Variants in NR6A1 observed in about 807,000 individuals in gnomAD.
NR6A1 encodes the protein nuclear receptor subfamily 6 group A member 1.
A neutral mutation model predicts 59.1 loss-of-function variants in NR6A1; 7 were observed. The observed-to-expected ratio is 0.12, with a 90% CI of 0.07 to 0.22. The LOEUF is 0.22. Ranked by LOEUF, NR6A1 falls within the 10% of genes least tolerant of loss-of-function variation. The pLI, the probability that NR6A1 is intolerant of heterozygous loss-of-function variation, is 1.00. For missense variants in NR6A1, 468 were observed against 611.6 expected (o/e 0.77, Z 2.48); for synonymous variants, 243 against 236.1 (o/e 1.03, Z -0.27).
Position 124,540,820 on chromosome 9 carries a change from C to T in NR6A1, c.442-633G>A, listed in dbSNP as rs1043270589. ...TGTCTTAAAAGAAGACAAAACAAAA[C>T]CAAACAAAAAACCCCAAATGTCATG... On this transcript the variant is annotated intron_variant, in intron 4 of 9. Transcript: ENST00000487099. Among the ~76,000 whole-genome samples the T allele has an allele frequency of 3.3e-5, 5 of 152,060 alleles. No homozygotes were observed. The East Asian group carries it at 9.7e-4, about 29-fold the overall frequency.
At chr9:124,567,723 T>C (rs751723415) in intron 2 of NR6A1, among the ~76,000 whole-genome samples, 10 of 151,220 alleles carry the variant, frequency 6.6e-5, no homozygotes, top group Non-Finnish European at 1.0e-4. Context: ...AAGTGAGTGG[T>C]AAAGAAATAA....
At chr9:124,531,014 A>G (rs1048152262) in intron 7 of NR6A1, among the ~76,000 whole-genome samples, 2 of 152,252 alleles carry the variant, frequency 1.3e-5, no homozygotes, top group Admixed American at 1.3e-4. Context: ...AATTCAACAA[A>G]TAATGTATGT....
chr9:124,728,141 C>T (rs1016651170), intron 2 of NR6A1, among the ~76,000 whole-genome samples: 2 of 151,940 alleles, frequency 1.3e-5, no homozygotes, highest in Non-Finnish European at 1.5e-5. Flanking sequence ...ATTCTCCTGC[C>T]TCAGCCTCCC....
chr9:124,543,429 T>A (rs543935821), intron 4 of NR6A1, among the ~76,000 whole-genome samples: 1 of 152,326 alleles, frequency 6.6e-6, no homozygotes, highest in African/African-American at 2.4e-5. Flanking sequence ...GACAATAATA[T>A]TCTGCTGATA....
intron 1 of NR6A1, among the ~76,000 whole-genome samples, chr9:124,756,756 C>G (rs1840640846): frequency 6.6e-6 from 1 of 152,192 alleles, no homozygotes; most frequent in Non-Finnish European, 1.5e-5. Context: ...TCTCAAGACA[C>G]ATTAAAGACT....
chr9:124,759,632 G>C (rs1191649022), intron 1 of NR6A1, among the ~76,000 whole-genome samples: 1 of 152,178 alleles, frequency 6.6e-6, no homozygotes, highest in East Asian at 1.9e-4. Flanking sequence ...ACAGATAAAA[G>C]ACATTGTACT....
intron 2 of NR6A1, among the ~76,000 whole-genome samples, chr9:124,564,257 CTGAATCATAAAATGTTTAA>C (rs1834168997): frequency 6.6e-6 from 1 of 152,110 alleles, no homozygotes; most frequent in Non-Finnish European, 1.5e-5. Flanking sequence ...AACAATCACA[CTGAATCATAAAATGTTTAA>C]ACAAAAAAGT....
intron 2 of NR6A1, among the ~76,000 whole-genome samples, chr9:124,558,205 T>C (rs1006613477): frequency 6.6e-6 from 1 of 152,150 alleles, no homozygotes; most frequent in Non-Finnish European, 1.5e-5. Flanking sequence ...GACAATCAAA[T>C]ATAGACCTGT....
At chr9:124,722,624 A>G (rs1028189358) in intron 2 of NR6A1, among the ~76,000 whole-genome samples, 4 of 152,146 alleles carry the variant, frequency 2.6e-5, no homozygotes, top group African/African-American at 9.7e-5. Flanking sequence ...CCTATTTTTT[A>G]TCTTGTTTTT....
intron 1 of NR6A1, among the ~76,000 whole-genome samples, chr9:124,745,514 A>G (rs1490220826): frequency 6.6e-6 from 1 of 151,828 alleles, no homozygotes. Context: ...TTTACTAAAA[A>G]TACAAAATTA....
chr9:124,685,382 T>C (rs1271805648), intron 2 of NR6A1, among the ~76,000 whole-genome samples: 1 of 152,202 alleles, frequency 6.6e-6, no homozygotes, highest in East Asian at 1.9e-4. Context: ...TGGAGTGCAG[T>C]TGCACAAGCA....
At chr9:124,664,898 G>A (rs767920330) in intron 2 of NR6A1, among the ~76,000 whole-genome samples, 1 of 150,674 alleles carries the variant, frequency 6.6e-6, no homozygotes, top group Non-Finnish European at 1.5e-5. Flanking sequence ...AGGGGCCAGC[G>A]ACGGTAGCTC....
rs148472095 is a variant in NR6A1, at chr9:124,611,774, A to AGAGAGAGAGAGAAT, written c.143-57205_143-57204insATTCTCTCTCTCTC. Among the ~76,000 whole-genome samples the AGAGAGAGAGAGAAT allele has an allele frequency of 3.7e-3, 386 of 105,652 alleles. 10 individuals carry two copies. Among genetic ancestry groups the AGAGAGAGAGAGAAT allele is most frequent in the African/African-American group, 0.013 (279 of 21,492 alleles). The allele number at this position is 105,652 out of a possible 152,430, so 69.3% of individuals were successfully genotyped here. A position where few individuals can be genotyped will look rare whatever the true frequency, so the allele number is the denominator to read the frequency against. On this transcript the variant is annotated intron_variant, in intron 2 of 9. Coordinates refer to ENST00000487099, the MANE Select transcript of NR6A1 (RefSeq NM_033334.4). ...TAGAGAGAGAGAGAGAGAGAGAGAGAGAGAGAGAATGAGAGAGAATGAGAG... is the reference window on the plus strand; with the variant it reads ...TAGAGAGAGAGAGAGAGAGAGAGAGAGAGAGAGAGAGAATGAGAGAGAATGAGAGAGAATGAGAG...
chr9:124,536,719 T>C (rs1426329638), intron 6 of NR6A1, among the ~76,000 whole-genome samples: 1 of 152,128 alleles, frequency 6.6e-6, no homozygotes. Flanking sequence ...CTTTTATTGT[T>C]GGTGTTCTCT....
At chr9:124,700,750 T>C (rs1588803387) in intron 2 of NR6A1, among the ~76,000 whole-genome samples, 1 of 147,744 alleles carries the variant, frequency 6.8e-6, no homozygotes, top group African/African-American at 2.6e-5. Flanking sequence ...AACATTTACA[T>C]AGCCTTTTTT....
intron 3 of NR6A1, among the ~76,000 whole-genome samples, chr9:124,550,375 AT>A (rs58594452): frequency 0.028 from 3,322 of 117,606 alleles, 46 homozygotes; most frequent in African/African-American, 0.091. Flanking sequence ...CTAATGGTGA[AT>A]TTTTTTTTTT....
At chr9:124,757,546 C>G (rs964609340) in intron 1 of NR6A1, among the ~76,000 whole-genome samples, 29 of 150,390 alleles carry the variant, frequency 1.9e-4, no homozygotes, top group African/African-American at 7.1e-4. Flanking sequence ...AGGTTATTTT[C>G]CCTTCGTTTT....
intron 2 of NR6A1, among the ~76,000 whole-genome samples, chr9:124,562,028 C>G (rs1834098002): frequency 6.6e-6 from 1 of 152,192 alleles, no homozygotes; most frequent in African/African-American, 2.4e-5. Flanking sequence ...TTCTGAAGCA[C>G]AACTACCAGT....
intron 2 of NR6A1, among the ~76,000 whole-genome samples, chr9:124,672,922 A>T (rs1837839723): frequency 6.6e-6 from 1 of 152,184 alleles, no homozygotes; most frequent in South Asian, 2.1e-4. Context: ...GAATGACAGA[A>T]AAATAAAAGA....
Sources: allele counts gnomAD v4.1 joint callset (sites outside exome capture counted in the v4.1 genomes callset), GRCh38; gene constraint gnomAD v4.1.1; transcripts MANE v1.5; gene names NCBI Gene and HGNC (gene_info 2026-07-23, HGNC 2026-07-21).